ABTB3: variants seen among roughly 807,000 people sequenced by gnomAD.
ABTB3 encodes the protein ankyrin repeat- and BTB/POZ domain-containing protein 3.
chr12:107,422,109 G>A, the ABTB3 span, among the ~76,000 whole-genome samples: 1 of 152,198 alleles, frequency 6.6e-6, no homozygotes, highest in African/African-American at 2.4e-5. Context: ...CAATGGGATA[G>A]TCAAGGAGGG....
the ABTB3 span, chr12:107,617,153 A>G: frequency 6.2e-7 from 1 of 1,614,120 alleles, no homozygotes; most frequent in Non-Finnish European, 8.5e-7. Flanking sequence ...AACTACTCGG[A>G]AACACCCCTC....
At chr12:107,606,273 T>C in the ABTB3 span, among the ~76,000 whole-genome samples, 1 of 152,226 alleles carries the variant, frequency 6.6e-6, no homozygotes, top group Non-Finnish European at 1.5e-5. Flanking sequence ...AGTTCATACA[T>C]AGAAAGAGCT....
At chr12:107,345,268 T>A in the ABTB3 span, among the ~76,000 whole-genome samples, 2 of 152,054 alleles carry the variant, frequency 1.3e-5, no homozygotes, top group Non-Finnish European at 2.9e-5. Context: ...TACAAATAAG[T>A]AGACACCTTG....
the ABTB3 span, among the ~76,000 whole-genome samples, chr12:107,388,297 G>C: frequency 6.6e-6 from 1 of 151,160 alleles, no homozygotes; most frequent in Non-Finnish European, 1.5e-5. Flanking sequence ...TCCCTTCTCT[G>C]CCTTCTCTTT....
chr12:107,409,698 G>C, the ABTB3 span, among the ~76,000 whole-genome samples: 2 of 152,186 alleles, frequency 1.3e-5, no homozygotes, highest in Admixed American at 1.3e-4. Flanking sequence ...ACTGGGGCTT[G>C]TCAGGGGTTT....
the ABTB3 span, among the ~76,000 whole-genome samples, chr12:107,324,715 T>G: frequency 6.6e-6 from 1 of 151,688 alleles, no homozygotes; most frequent in South Asian, 2.1e-4. Flanking sequence ...TTGTGAAATA[T>G]ACTTCAGTTA....
chr12:107,329,990 T>A, the ABTB3 span, among the ~76,000 whole-genome samples: 1 of 152,098 alleles, frequency 6.6e-6, no homozygotes, highest in Admixed American at 6.6e-5. Flanking sequence ...TGGTTGGGAG[T>A]AAGGCTTCAC....
At chr12:107,574,521 G>A in the ABTB3 span, among the ~76,000 whole-genome samples, 5 of 152,162 alleles carry the variant, frequency 3.3e-5, no homozygotes, top group Admixed American at 2.6e-4. Context: ...TCAGGAGTTC[G>A]AGACCAGCCT....
the ABTB3 span, among the ~76,000 whole-genome samples, chr12:107,638,033 C>G: frequency 6.6e-6 from 1 of 152,018 alleles, no homozygotes; most frequent in Non-Finnish European, 1.5e-5. Flanking sequence ...AACTCTCAGG[C>G]CTTCTCCCCT....
chr12:107,408,691 C>T, the ABTB3 span, among the ~76,000 whole-genome samples: 244 of 152,320 alleles, frequency 1.6e-3, 1 homozygote, highest in East Asian at 8.3e-3. Flanking sequence ...CACTGGACTT[C>T]GGTATCTTGA....
chr12:107,607,170 T>C, the ABTB3 span, among the ~76,000 whole-genome samples: 1 of 152,196 alleles, frequency 6.6e-6, no homozygotes, highest in Non-Finnish European at 1.5e-5. Flanking sequence ...AAATTTCAGT[T>C]TCAGATAAAC....
the ABTB3 span, among the ~76,000 whole-genome samples, chr12:107,431,348 C>T: frequency 6.6e-6 from 1 of 152,232 alleles, no homozygotes; most frequent in Non-Finnish European, 1.5e-5. Context: ...TGGTGCCTCA[C>T]ACCTGTAATC....
chr12:107,434,705 A>C, the ABTB3 span, among the ~76,000 whole-genome samples: 1 of 152,076 alleles, frequency 6.6e-6, no homozygotes, highest in African/African-American at 2.4e-5. Flanking sequence ...TCTACAAAAA[A>C]ATTAAAAAAT....
At chr12:107,655,499 T>C in the ABTB3 span, among the ~76,000 whole-genome samples, 1 of 152,224 alleles carries the variant, frequency 6.6e-6, no homozygotes, top group Non-Finnish European at 1.5e-5. Flanking sequence ...CCATGTGGAT[T>C]TGATTACTGG....
At chr12:107,640,556 C>T in the ABTB3 span, 3 of 543,690 alleles carry the variant, frequency 5.5e-6, no homozygotes, top group Non-Finnish European at 9.6e-6. Flanking sequence ...TACAGGGAAG[C>T]TGCTAGCATA....
the ABTB3 span, among the ~76,000 whole-genome samples, chr12:107,533,984 A>G: frequency 6.6e-6 from 1 of 152,344 alleles, no homozygotes; most frequent in South Asian, 2.1e-4. Context: ...TTGGAAATAC[A>G]TGGACACTAA....
the ABTB3 span, among the ~76,000 whole-genome samples, chr12:107,337,391 T>C: frequency 7.2e-5 from 11 of 152,232 alleles, no homozygotes; most frequent in African/African-American, 2.7e-4. Flanking sequence ...TACGATGCCA[T>C]GCTGCCCCAG....
At chr12:107,556,883 G>A in the ABTB3 span, among the ~76,000 whole-genome samples, 1 of 151,966 alleles carries the variant, frequency 6.6e-6, no homozygotes, top group Non-Finnish European at 1.5e-5. Flanking sequence ...ATGGTGGCAT[G>A]TGACTGTAAT....
chr12:107,639,180 G>A, the ABTB3 span, among the ~76,000 whole-genome samples: 112 of 152,326 alleles, frequency 7.4e-4, no homozygotes, highest in Middle Eastern at 6.8e-3. Flanking sequence ...GAGAGAGCAC[G>A]TAGCACTCAT....
Sources: allele counts gnomAD v4.1 joint callset (sites outside exome capture counted in the v4.1 genomes callset), GRCh38; gene constraint gnomAD v4.1.1; transcripts MANE v1.5; gene names NCBI Gene and HGNC (gene_info 2026-07-23, HGNC 2026-07-21).